The following NXPH2 variants were observed in gnomAD, a reference collection of about 807,000 sequenced individuals.
NXPH2 encodes neurexophilin 2, also known as neurexophilin-2.
In NXPH2, 5 loss-of-function variants were observed where a neutral mutation model predicts 19.8. The ratio of observed to expected loss-of-function variants is 0.25; its 90% CI spans 0.13 to 0.53. NXPH2 has a LOEUF of 0.53. Ranked by LOEUF, NXPH2 falls within the 20% of genes least tolerant of loss-of-function variation. The pLI is 0.96. For synonymous variants in NXPH2, 154 were observed against 127.4 expected (o/e 1.21, Z -1.41); for missense variants, 289 against 322.8 (o/e 0.90, Z 0.80).
intron 1 of NXPH2, among the ~76,000 whole-genome samples, chr2:138,734,607 T>C (rs937115476): frequency 2.6e-5 from 4 of 152,074 alleles, no homozygotes; most frequent in African/African-American, 9.7e-5. Context: ...ATCCTGAAGA[T>C]GGGAATGCCA....
chr2:138,771,988 T>C (rs923849700), intron 1 of NXPH2, among the ~76,000 whole-genome samples: 4 of 152,186 alleles, frequency 2.6e-5, no homozygotes, highest in Non-Finnish European at 4.4e-5. Context: ...AGTAAAATTA[T>C]ATATTAATGC....
chr2:138,711,546 T>C lies in NXPH2; in HGVS notation c.52-39881A>G, dbSNP rs12465082. Among the ~76,000 whole-genome samples, 917 of 152,282 alleles carry C rather than the reference T, an allele frequency of 6.0e-3. 16 individuals are homozygous for C. Among genetic ancestry groups the C allele is most frequent in the East Asian group, 0.045 (234 of 5,162 alleles). On this transcript the variant is annotated intron_variant, in intron 1 of 1. Transcript: ENST00000272641. ...TTGCAAACCTGTGTCTGCCTCTAAA[T>C]TGTACTTGAATTGAATCCGTCTTTG...
intron 1 of NXPH2, among the ~76,000 whole-genome samples, chr2:138,751,300 A>G (rs1033375968): frequency 2.6e-5 from 4 of 152,168 alleles, no homozygotes; most frequent in African/African-American, 9.7e-5. Context: ...ATATTTAGGG[A>G]AGATAATTTT....
intron 1 of NXPH2, among the ~76,000 whole-genome samples, chr2:138,759,936 A>C (rs952585646): frequency 4.0e-4 from 60 of 151,872 alleles, no homozygotes; most frequent in Non-Finnish European, 6.3e-4. Flanking sequence ...TCACCATGTT[A>C]GCCAGGATGG....
chr2:138,726,559 C>CACACA (rs1223097940), intron 1 of NXPH2, among the ~76,000 whole-genome samples: 1 of 141,434 alleles, frequency 7.1e-6, no homozygotes, highest in African/African-American at 2.5e-5. Context: ...CACACACACA[C>CACACA]CCTCCAACAT....
chr2:138,701,581 G>C (rs1238033414), intron 1 of NXPH2, among the ~76,000 whole-genome samples: 1 of 152,172 alleles, frequency 6.6e-6, no homozygotes, highest in Non-Finnish European at 1.5e-5. Flanking sequence ...GGTCAGGTGG[G>C]TATCATCTGC....
In NXPH2 at chr2:138,780,184, C is replaced by A. The variant is rs1028831102; in HGVS notation, c.51+7G>T. 26 of 1,490,478 alleles carry A rather than the reference C, an allele frequency of 1.7e-5. No homozygotes were observed. The highest frequency in any genetic ancestry group is 2.9e-5 in the African/African-American group (2 of 68,426). 92.3% of individuals were successfully genotyped at this position (1,490,478 alleles called of 1,614,324 possible). A position where few individuals can be genotyped will look rare whatever the true frequency, so the allele number is the denominator to read the frequency against. On this transcript the variant is annotated splice_region_variant and intron_variant, in intron 1 of 1. Transcript: ENST00000272641. Reference sequence around the variant, plus strand: ...CGTGTGGGACGGCGCGCGGGCCGGGCACTCACCAGCTGCAGCAAGCCAGGG... The same window carrying A: ...CGTGTGGGACGGCGCGCGGGCCGGGAACTCACCAGCTGCAGCAAGCCAGGG...
At chr2:138,739,502 A>C (rs1014384658) in intron 1 of NXPH2, among the ~76,000 whole-genome samples, 1 of 151,928 alleles carries the variant, frequency 6.6e-6, no homozygotes. Context: ...GGTGTAGAAC[A>C]GGAGGAAGGG....
intron 1 of NXPH2, among the ~76,000 whole-genome samples, chr2:138,769,430 A>C (rs1682140982): frequency 6.6e-6 from 1 of 152,240 alleles, no homozygotes; most frequent in Admixed American, 6.5e-5. Flanking sequence ...AGTGAAAAGA[A>C]CTAGAAATGC....
Position 138,670,712 on chromosome 2 carries a change from ACTTTTTAGAT to A in NXPH2, c.*200_*209del. On this transcript the variant is annotated 3_prime_UTR_variant, in exon 2 of 2. Coordinates refer to ENST00000272641, the MANE Select transcript of NXPH2 (RefSeq NM_007226.3). ...AAGTGATGGTTTCATAAACAGTTTA[ACTTTTTAGAT>A]AAAGGTACCTACGATAGAAAGAAAC... 2 of 476,392 alleles carry A rather than the reference ACTTTTTAGAT, an allele frequency of 4.2e-6. No individual in the cohort carries two copies. The highest frequency in any genetic ancestry group is 8.5e-5 in the South Asian group (2 of 23,520). The allele number at this position is 476,392 out of a possible 1,614,324, so 29.5% of individuals were successfully genotyped here.
chr2:138,703,234 G>A (rs1680958874), intron 1 of NXPH2, among the ~76,000 whole-genome samples: 1 of 152,156 alleles, frequency 6.6e-6, no homozygotes, highest in South Asian at 2.1e-4. Flanking sequence ...GATATGGAAT[G>A]CATAATATTT....
chr2:138,748,180 C>T (rs554238858), intron 1 of NXPH2, among the ~76,000 whole-genome samples: 14 of 152,098 alleles, frequency 9.2e-5, no homozygotes, highest in Admixed American at 6.5e-4. Flanking sequence ...CCATGTGTCA[C>T]GAAGGAAAAA....
chr2:138,750,195 T>G (rs534186309), intron 1 of NXPH2, among the ~76,000 whole-genome samples: 113 of 152,316 alleles, frequency 7.4e-4, no homozygotes, highest in African/African-American at 2.7e-3. Flanking sequence ...TTTTCCATGA[T>G]GAAGATTGAA....
intron 1 of NXPH2, among the ~76,000 whole-genome samples, chr2:138,699,384 A>G (rs1232886121): frequency 6.6e-6 from 1 of 152,146 alleles, no homozygotes. Context: ...GAGCTGTGAA[A>G]AGAGAGAAAG....
At position 138,767,362 on chromosome 2, in the gene NXPH2, A is replaced by ATC. The variant is rs781053172; in HGVS notation, c.51+12827_51+12828dup. Among the ~76,000 whole-genome samples, 39 of 152,326 alleles carry ATC rather than the reference A, an allele frequency of 2.6e-4. No individual in the cohort carries two copies. In the East Asian group the frequency reaches 2.9e-3, roughly 11 times the overall value. On this transcript the variant is annotated intron_variant, in intron 1 of 1. Transcript: ENST00000272641. ...GTGTGCCTCATCATCCCTTTGCTCT[A>ATC]TCTCTCTCTTGCTTTGCAGCACCTC...
intron 1 of NXPH2, among the ~76,000 whole-genome samples, chr2:138,686,772 A>G (rs927942734): frequency 5.3e-5 from 8 of 151,960 alleles, no homozygotes; most frequent in Non-Finnish European, 1.0e-4. Flanking sequence ...TCATTGTTCA[A>G]TTCCCACCTA....
chr2:138,705,187 C>G (rs555242435), intron 1 of NXPH2, among the ~76,000 whole-genome samples: 1 of 152,160 alleles, frequency 6.6e-6, no homozygotes, highest in South Asian at 2.1e-4. Context: ...TGGTCTCCAA[C>G]TCCTGGCCTC....
At chr2:138,711,145 C>CTTTTTT (rs397766605) in intron 1 of NXPH2, among the ~76,000 whole-genome samples, 11 of 91,090 alleles carry the variant, frequency 1.2e-4, no homozygotes, top group African/African-American at 2.4e-4. Flanking sequence ...ATTTCTATCA[C>CTTTTTT]TTTTTTTTTT....
At chr2:138,772,689 T>G (rs1682198941) in intron 1 of NXPH2, among the ~76,000 whole-genome samples, 1 of 152,178 alleles carries the variant, frequency 6.6e-6, no homozygotes, top group Admixed American at 6.5e-5. Flanking sequence ...ATGGCAAAGC[T>G]AAGATGAATG....
Sources: allele counts gnomAD v4.1 joint callset (sites outside exome capture counted in the v4.1 genomes callset), GRCh38; gene constraint gnomAD v4.1.1; transcripts MANE v1.5; gene names NCBI Gene and HGNC (gene_info 2026-07-23, HGNC 2026-07-21).